Variants in SNRPN observed in about 807,000 individuals in gnomAD.
The protein encoded by SNRPN is small nuclear ribonucleoprotein-associated protein N.
A neutral mutation model predicts 25.2 loss-of-function variants in SNRPN; 7 were observed. The ratio of observed to expected loss-of-function variants is 0.28; its 90% CI spans 0.16 to 0.52. The LOEUF (loss-of-function observed/expected upper bound fraction) is 0.52, where lower values mean the gene tolerates loss of function less well. SNRPN is among the 20% of genes least tolerant of loss of function. SNRPN has a pLI of 0.96. For missense variants in SNRPN, 196 were observed against 322.5 expected (o/e 0.61, Z 3.00); for synonymous variants, 124 against 110.6 (o/e 1.12, Z -0.76).
chr15:24,867,099 G>A (rs1231388003), intron 1 of SNRPN, among the ~76,000 whole-genome samples: 2 of 152,220 alleles, frequency 1.3e-5, no homozygotes, highest in African/African-American at 2.4e-5. Context: ...CATGAGTGTA[G>A]GTATCTCTTC....
intron 1 of SNRPN, among the ~76,000 whole-genome samples, chr15:24,866,307 G>T (rs2054566584): frequency 6.6e-6 from 1 of 152,120 alleles, no homozygotes; most frequent in Admixed American, 6.6e-5. Flanking sequence ...ATAATAATGT[G>T]CATTGTGGAA....
At chr15:24,952,200 C>T (rs1387249061), upstream of SNRPN, among the ~76,000 whole-genome samples, 2 of 151,804 alleles carry the variant, frequency 1.3e-5, no homozygotes, top group Non-Finnish European at 2.9e-5. Flanking sequence ...TAACAAGTGA[C>T]TTATATTTTA....
chr15:24,860,517 G>T (rs2053896484), intron 1 of SNRPN, among the ~76,000 whole-genome samples: 1 of 152,062 alleles, frequency 6.6e-6, no homozygotes, highest in South Asian at 2.1e-4. Flanking sequence ...TTATGATGAG[G>T]TTACTTCCAG....
intron 1 of SNRPN, among the ~76,000 whole-genome samples, chr15:24,829,372 T>A: frequency 6.6e-6 from 1 of 151,676 alleles, no homozygotes; most frequent in East Asian, 1.9e-4. Context: ...GAGCAGTGAG[T>A]CCAGCAAACA....
intron 1 of SNRPN, among the ~76,000 whole-genome samples, chr15:24,877,919 A>C (rs574997348): frequency 5.6e-4 from 86 of 152,282 alleles, no homozygotes; most frequent in African/African-American, 2.1e-3. Flanking sequence ...TTTTCCAGTC[A>C]CCTGCTCTTA....
rs2148943364 is a variant in SNRPN, at chr15:24,873,092, C to T, written c.-578-13424C>T. ...CCAACTTTGTTCTGCTTCTCATTAC[C>T]AGTGTGGTTCTTTTAGATCTCATGA... On this transcript the variant is annotated intron_variant, in intron 1 of 11. Transcript: ENST00000400097. Among the ~76,000 whole-genome samples, 2 of 119,674 alleles carry T rather than the reference C, an allele frequency of 1.7e-5. 1 individual carries two copies. Among genetic ancestry groups the T allele is most frequent in the East Asian group, 5.9e-4 (2 of 3,372 alleles). The allele number at this position is 119,674 out of a possible 152,430, so 78.5% of individuals were successfully genotyped here.
At chr15:24,964,077 T>G (rs1007753768) in intron 2 of SNRPN, among the ~76,000 whole-genome samples, 4 of 151,264 alleles carry the variant, frequency 2.6e-5, no homozygotes, top group Admixed American at 1.3e-4. Flanking sequence ...AAGTTTTAAA[T>G]TATGGTGAGG....
At chr15:24,948,985 T>C (rs2062052903) in intron 3 of SNRPN, among the ~76,000 whole-genome samples, 1 of 151,012 alleles carries the variant, frequency 6.6e-6, no homozygotes, top group Non-Finnish European at 1.5e-5. Flanking sequence ...CTAATCTGCT[T>C]TCTGTCTATA....
At chr15:24,845,045 A>C (rs2052063502) in intron 2 of SNRPN, among the ~76,000 whole-genome samples, 1 of 152,120 alleles carries the variant, frequency 6.6e-6, no homozygotes, top group Admixed American at 6.6e-5. Context: ...CTGTTGTTTT[A>C]GGAGCTTTTG....
chr15:24,905,900 C>A (rs760641280), intron 2 of SNRPN, among the ~76,000 whole-genome samples: 7 of 152,042 alleles, frequency 4.6e-5, no homozygotes, highest in Non-Finnish European at 8.8e-5. Context: ...TCCTGAGGGG[C>A]CCACCCAGCA....
intron 2 of SNRPN, chr15:24,909,518 C>T: frequency 1.3e-6 from 2 of 1,502,858 alleles, no homozygotes; most frequent in Non-Finnish European, 1.8e-6. Flanking sequence ...CAGCGGCAGG[C>T]CAGTACAATA....
chr15:24,832,046 C>T (rs1284732128), intron 2 of SNRPN, among the ~76,000 whole-genome samples: 4 of 151,012 alleles, frequency 2.6e-5, no homozygotes, highest in African/African-American at 9.8e-5. Context: ...AAGGGTAATT[C>T]TATTGTTTTT....
chr15:24,848,258 G>GGGCGGGGGCGGGGGCGGC (rs2052420683), intron 2 of SNRPN: 1 of 124,148 alleles, frequency 8.1e-6, no homozygotes, highest in Non-Finnish European at 1.8e-5. Context: ...GCGGGGGCGG[G>GGGCGGGGGCGGGGGCGGC]GGCGGGGGCG....
chr15:24,963,283 A>C (rs2075124223), intron 2 of SNRPN, among the ~76,000 whole-genome samples: 1 of 152,182 alleles, frequency 6.6e-6, no homozygotes, highest in African/African-American at 2.4e-5. Context: ...GTTTGTTTGC[A>C]TTGTTTGGCT....
At chr15:24,976,174 T>C in intron 5 of SNRPN, 131 bp from the exon 6 acceptor site, 1 of 719,092 alleles carries the variant, frequency 1.4e-6, no homozygotes. Flanking sequence ...ATTTTTTGGC[T>C]TGTTTTTCAG....
At position 24,872,897 on chromosome 15, in the gene SNRPN, T is replaced by C. The variant is rs1309078907; in HGVS notation, c.-578-13619T>C. On this transcript the variant is annotated intron_variant, in intron 1 of 11. Transcript: ENST00000400097. Reference sequence around the variant, plus strand: ...AAAAAAAAAAAAAAAAAAAAAAAAATAGTTTTCCTCATTGAATTGCCTTGG... The same window carrying C: ...AAAAAAAAAAAAAAAAAAAAAAAAACAGTTTTCCTCATTGAATTGCCTTGG... Among the ~76,000 whole-genome samples, 2 of 80,610 alleles carry C rather than the reference T, an allele frequency of 2.5e-5. 1 individual carries two copies. Among genetic ancestry groups the C allele is most frequent in the Non-Finnish European group, 5.0e-5 (2 of 39,702 alleles). 52.9% of individuals were successfully genotyped at this position (80,610 alleles called of 152,430 possible).
intron 1 of SNRPN, among the ~76,000 whole-genome samples, chr15:24,829,014 C>G (rs1338142283): frequency 6.6e-6 from 1 of 152,084 alleles, no homozygotes; most frequent in Non-Finnish European, 1.5e-5. Context: ...CAAGTGCAAA[C>G]TCTCTTCAGA....
rs1299952105 is a variant in SNRPN, at chr15:24,954,990, G to A, written c.-463G>A. 1 of 1,609,274 alleles carries A rather than the reference G, an allele frequency of 6.2e-7. No individual in the cohort carries two copies. Among genetic ancestry groups the A allele is most frequent in the Non-Finnish European group, 8.5e-7 (1 of 1,178,884 alleles). The stretch of plus-strand genomic sequence containing the variant: ...CCGCTGCTGCAGCGAGTCTGGCGCA[G>A]AGTGGAGCGGCCGCCGGAGATGCCT... On this transcript the variant is annotated 5_prime_UTR_variant, in exon 1 of 10. Transcript: ENST00000390687.
At chr15:24,866,348 T>A (rs548553379) in intron 1 of SNRPN, among the ~76,000 whole-genome samples, 2 of 152,278 alleles carry the variant, frequency 1.3e-5, no homozygotes, top group South Asian at 4.1e-4. Context: ...ACATGTGTAT[T>A]ACCTCACATA....
Sources: allele counts gnomAD v4.1 joint callset (sites outside exome capture counted in the v4.1 genomes callset), GRCh38; gene constraint gnomAD v4.1.1; transcripts MANE v1.5; gene names NCBI Gene and HGNC (gene_info 2026-07-23, HGNC 2026-07-21).